The following KIF22 variants were observed in gnomAD, a reference collection of about 807,000 sequenced individuals.
KIF22 encodes kinesin family member 22.
KIF22 carries 62 observed loss-of-function variants against 73.0 expected under a neutral mutation model. The observed-to-expected ratio is 0.85, with a 90% CI of 0.69 to 1.05. The LOEUF is 1.05. KIF22 is among the 50% of genes least tolerant of loss of function. The pLI, the probability that KIF22 is intolerant of heterozygous loss-of-function variation, is 0.00. For missense variants in KIF22, 854 were observed against 870.1 expected (o/e 0.98, Z 0.23); for synonymous variants, 411 against 340.1 (o/e 1.21, Z -2.29).
intron 8 of KIF22, among the ~76,000 whole-genome samples, chr16:29,802,267 C>CAAAAAA (rs71389599): frequency 8.8e-5 from 3 of 33,910 alleles, no homozygotes; most frequent in African/African-American, 2.4e-4. Flanking sequence ...GACCCTGTCT[C>CAAAAAA]AAAAAAAAAA....
At chr16:29,793,928 G>C (rs1898887135) in intron 1 of KIF22, among the ~76,000 whole-genome samples, 1 of 152,158 alleles carries the variant, frequency 6.6e-6, no homozygotes, top group Admixed American at 6.5e-5. Context: ...ACAGGATTGA[G>C]GCTGAGTATG....
At chr16:29,799,598 G>A in intron 6 of KIF22, 30 bp from the exon 7 acceptor site, 1 of 1,613,518 alleles carries the variant, frequency 6.2e-7, no homozygotes, top group South Asian at 1.1e-5. Flanking sequence ...CTGGGCTTCT[G>A]ACCCACCCAC....
rs1204672046 is a variant in KIF22, at chr16:29,798,633, G to A, written c.435G>A (p.Gly145=). Residue 145 remains glycine, a synonymous_variant, in exon 4 of 14, where the codon GGG becomes GGA. Transcript: ENST00000160827. The surrounding 1 kb of genome is among the most constrained non-coding windows in gnomAD (Gnocchi z 4.1). Reference sequence around the variant, plus strand: ...TGCTGGGCAGCCCAGAGCAACCTGGGGTGATCCCGCGGGCTCTCATGGACC... The same window carrying A: ...TGCTGGGCAGCCCAGAGCAACCTGGAGTGATCCCGCGGGCTCTCATGGACC... ...HTMLGSPEQP[G]VIPRALMDLL... 2 of 1,614,166 alleles carry A rather than the reference G, an allele frequency of 1.2e-6. No homozygotes were observed. Among genetic ancestry groups the A allele is most frequent in the Non-Finnish European group, 8.5e-7 (1 of 1,180,038 alleles).
intron 11 of KIF22, 54 bp from the exon 12 acceptor site, chr16:29,804,760 G>T: frequency 1.4e-6 from 2 of 1,420,044 alleles, no homozygotes; most frequent in South Asian, 2.4e-5. Flanking sequence ...CTTGGCAGAG[G>T]AGCCCAAAGC....
rs764020056 is a variant in KIF22 at position 29,790,782 on chromosome 16, A to G, written c.23A>G (p.Gln8Arg). The G allele has an allele frequency of 1.2e-6, 2 of 1,601,892 alleles. No individual in the cohort carries two copies. Among genetic ancestry groups the G allele is most frequent in the African/African-American group, 1.3e-5 (1 of 74,904 alleles). ...GGAATGGCCGCGGGCGGCTCGACGC[A>G]GCAGAGGCGACGCGAGATGGCGGCA... MAAGGST[Q>R]QRRREMAAAS... The change falls in exon 1 of 14, where the codon CAG becomes CGG. Residue 8 changes from glutamine to arginine, a missense_variant. Gln to Arg is a conservative substitution (Grantham distance 43). Transcript: ENST00000160827.
intron 9 of KIF22, 83 bp downstream of exon 9, chr16:29,803,020 C>A: frequency 7.2e-7 from 1 of 1,395,888 alleles, no homozygotes; most frequent in Non-Finnish European, 1.0e-6. Context: ...GAAGGACACT[C>A]AGGCTGGACT....
Position 29,799,822 on chromosome 16 carries a change from G to C in KIF22, c.1144+41G>C, listed in dbSNP as rs749671034. 5.6e-6 allele frequency: 9 copies of C among 1,613,216 alleles called. No individual in the cohort carries two copies. The South Asian group carries it at 9.9e-5, about 18-fold the overall frequency. On this transcript the variant is annotated intron_variant, in intron 7 of 13. Transcript: ENST00000160827. ...GGCAGGAGTGGAAACGCTGGGTCTG[G>C]AAATTAGGGAGTTTGTTGAAACCAC... is the stretch of plus-strand genomic sequence containing the variant.
chr16:29,799,540 T>A, intron 6 of KIF22, 46 bp downstream of exon 6: 1 of 1,612,400 alleles, frequency 6.2e-7, no homozygotes, highest in African/African-American at 1.3e-5. Flanking sequence ...AGAAGGAGGT[T>A]CTCAGGCCTG....
At chr16:29,803,845 A>C (rs1899234522) in intron 10 of KIF22, among the ~76,000 whole-genome samples, 153 bp from the exon 11 acceptor site, 1 of 152,180 alleles carries the variant, frequency 6.6e-6, no homozygotes, top group Non-Finnish European at 1.5e-5. Context: ...AAATTCCTTT[A>C]AATGCGGGTA....
chr16:29,801,728 G>A (rs1459705769), intron 8 of KIF22, among the ~76,000 whole-genome samples: 3 of 152,210 alleles, frequency 2.0e-5, no homozygotes, highest in Admixed American at 6.5e-5. Context: ...GCTGCTGTGA[G>A]AGTCAGGAAG....
chr16:29,804,699 A>C, intron 11 of KIF22, 115 bp from the exon 12 acceptor site: 1 of 822,326 alleles, frequency 1.2e-6, no homozygotes, highest in South Asian at 1.4e-5. Flanking sequence ...CACACTTGAC[A>C]AGAGAGGAAG....
In KIF22 at chr16:29,798,748, G is replaced by A. The variant is rs768829846; in HGVS notation, c.549+1G>A. On this transcript the variant is annotated splice_donor_variant, in intron 4 of 13. Coordinates refer to ENST00000160827, the MANE Select transcript of KIF22 (RefSeq NM_007317.3). LOFTEE classifies it high-confidence loss of function. This position sits in a 1 kb window ranked among gnomAD's most constrained non-coding sequence, Gnocchi z 4.1. ...TTACCTAGAGATCTACCAGGAGAAG[G>A]TGAGGCCCCGTGCTGGTTGGGAGAG... The A allele has an allele frequency of 6.2e-7, 1 of 1,613,440 alleles. No individual in the cohort carries two copies. The highest frequency in any genetic ancestry group is 1.1e-5 in the South Asian group (1 of 91,014).
chr16:29,800,115 C>T lies in KIF22; in HGVS notation c.1280+67C>T, dbSNP rs570642434. The T allele has an allele frequency of 6.0e-6, 9 of 1,499,042 alleles. No individual in the cohort carries two copies. In the East Asian group the frequency reaches 1.1e-4, roughly 19 times the overall value. The allele number at this position is 1,499,042 out of a possible 1,614,324, so 92.9% of individuals were successfully genotyped here. A position where few individuals can be genotyped will look rare whatever the true frequency, so the allele number is the denominator to read the frequency against. ...GGCTTAGCAGCAGAGCTGCAATGCC[C>T]GTCAGATCCTTGAGCAGAGAGCTGT... is the stretch of plus-strand genomic sequence containing the variant. On this transcript the variant is annotated intron_variant, in intron 8 of 13. Coordinates refer to ENST00000160827, the MANE Select transcript of KIF22 (RefSeq NM_007317.3).
Position 29,797,699 on chromosome 16 carries a change from A to C in KIF22, c.266+611A>C, listed in dbSNP as rs1289978184. 2.0e-5 allele frequency among the ~76,000 whole-genome samples: 3 copies of C among 152,212 alleles called. No individual in the cohort carries two copies. In the East Asian group the frequency reaches 5.8e-4, roughly 29 times the overall value. On this transcript the variant is annotated intron_variant, in intron 2 of 13. Transcript: ENST00000160827. This position sits in a 1 kb window ranked among gnomAD's most constrained non-coding sequence, Gnocchi z 4.1. ...AAGGAACACATGGCCCACAAAGCCTAAAATATGTACAATCTGCCTTTTTAC... is the reference window on the plus strand; with the variant it reads ...AAGGAACACATGGCCCACAAAGCCTCAAATATGTACAATCTGCCTTTTTAC...
At chr16:29,792,484 C>T (rs1898844067) in intron 1 of KIF22, 1 of 783,486 alleles carries the variant, frequency 1.3e-6, no homozygotes, top group Non-Finnish European at 1.5e-6. Flanking sequence ...TCTTGAGGGC[C>T]TACTCTGCGC....
intron 8 of KIF22, among the ~76,000 whole-genome samples, chr16:29,802,500 T>G (rs1422007200): frequency 6.6e-6 from 1 of 152,048 alleles, no homozygotes; most frequent in African/African-American, 2.4e-5. Flanking sequence ...GTCTCTTGAT[T>G]TCCTCAGTAG....
rs1407984346 is a variant in KIF22 at position 29,797,191 on chromosome 16, C to T, written c.266+103C>T. 1.5e-5 allele frequency: 13 copies of T among 839,014 alleles called. No individual in the cohort carries two copies. The highest frequency in any genetic ancestry group is 2.9e-4 in the Middle Eastern group (1 of 3,416). The allele number at this position is 839,014 out of a possible 1,614,324, so 52.0% of individuals were successfully genotyped here. A position where few individuals can be genotyped will look rare whatever the true frequency, so the allele number is the denominator to read the frequency against. On this transcript the variant is annotated intron_variant, in intron 2 of 13. Coordinates refer to ENST00000160827, the MANE Select transcript of KIF22 (RefSeq NM_007317.3). The surrounding 1 kb of genome is among the most constrained non-coding windows in gnomAD (Gnocchi z 4.1). ...AGGATCCTTGCTCCCTCCTTAGCAC[C>T]GCTTTGTTCCCTGAGCCTTCACTGT...
intron 10 of KIF22, 133 bp downstream of exon 10, chr16:29,803,741 T>G: frequency 1.2e-6 from 1 of 811,418 alleles, no homozygotes; most frequent in Non-Finnish European, 2.0e-6. Flanking sequence ...GTGAGGAGGC[T>G]CTGAGGCAGT....
At chr16:29,799,571 G>A in intron 6 of KIF22, 57 bp from the exon 7 acceptor site, 1 of 1,612,500 alleles carries the variant, frequency 6.2e-7, no homozygotes, top group Admixed American at 1.7e-5. Flanking sequence ...GGGAATAGCA[G>A]TTGAGGCATA....
Sources: allele counts gnomAD v4.1 joint callset (sites outside exome capture counted in the v4.1 genomes callset), GRCh38; gene constraint gnomAD v4.1.1; non-coding constraint Gnocchi (gnomAD v3.1); transcripts MANE v1.5; gene names NCBI Gene and HGNC (gene_info 2026-07-23, HGNC 2026-07-21).